The following NKAIN2 variants were observed in gnomAD, a reference collection of about 807,000 sequenced individuals.
NKAIN2 encodes the protein sodium/potassium transporting ATPase interacting 2.
NKAIN2 carries 14 observed loss-of-function variants against 32.6 expected under a neutral mutation model. The observed-to-expected ratio is 0.43, with a 90% CI of 0.28 to 0.67. The LOEUF is 0.67. Ranked by LOEUF, NKAIN2 falls within the 30% of genes least tolerant of loss-of-function variation. NKAIN2 has a pLI of 0.17. For missense variants in NKAIN2, 198 were observed against 258.3 expected, an observed-to-expected ratio of 0.77 and a Z score of 1.60; for synonymous variants, 80 against 87.2, an observed-to-expected ratio of 0.92 and a Z score of 0.46.
At chr6:124,736,463 A>G (rs1329363800) in intron 4 of NKAIN2, among the ~76,000 whole-genome samples, 1 of 151,952 alleles carries the variant, frequency 6.6e-6, no homozygotes, top group African/African-American at 2.4e-5. Context: ...ATATTAGAAT[A>G]AGATGCCAAA....
intron 1 of NKAIN2, among the ~76,000 whole-genome samples, chr6:124,177,445 C>A (rs1407006070): frequency 6.6e-6 from 1 of 151,984 alleles, no homozygotes; most frequent in Non-Finnish European, 1.5e-5. Context: ...TTTTTTGTGG[C>A]CCAGGTATTG....
At chr6:124,523,500 C>G (rs1236121997) in intron 3 of NKAIN2, among the ~76,000 whole-genome samples, 1 of 14,620 alleles carries the variant, frequency 6.8e-5, no homozygotes, top group Non-Finnish European at 1.8e-3. Context: ...AAGTGAATCA[C>G]AATGGAAAGT....
chr6:124,435,888 T>C (rs1362842657), intron 3 of NKAIN2, among the ~76,000 whole-genome samples: 2 of 151,272 alleles, frequency 1.3e-5, no homozygotes, highest in Admixed American at 6.6e-5. Flanking sequence ...GGAAATCTAT[T>C]CTTCAGAAAT....
chr6:124,194,517 T>A (rs945129759), intron 1 of NKAIN2, among the ~76,000 whole-genome samples: 1 of 152,162 alleles, frequency 6.6e-6, no homozygotes, highest in Admixed American at 6.5e-5. Context: ...AAATCTACCA[T>A]CTTATTACTT....
chr6:123,876,246 T>A (rs566149851), intron 1 of NKAIN2, among the ~76,000 whole-genome samples: 3 of 152,214 alleles, frequency 2.0e-5, no homozygotes, highest in Non-Finnish European at 2.9e-5. Flanking sequence ...ATTATTTTTA[T>A]GTTTCTCTAT....
At chr6:123,870,249 G>A (rs149631005) in intron 1 of NKAIN2, among the ~76,000 whole-genome samples, 30 of 152,240 alleles carry the variant, frequency 2.0e-4, no homozygotes, top group African/African-American at 6.5e-4. Flanking sequence ...ATGGAGAAAA[G>A]CAGCCTGGGA....
chr6:124,075,712 C>T (rs1262460834), intron 1 of NKAIN2, among the ~76,000 whole-genome samples: 2 of 152,140 alleles, frequency 1.3e-5, no homozygotes, highest in African/African-American at 4.8e-5. Flanking sequence ...TCTCCTGCCT[C>T]AGCCTCCCAA....
chr6:124,401,401 G>T (rs367896285), intron 3 of NKAIN2, among the ~76,000 whole-genome samples: 1 of 152,264 alleles, frequency 6.6e-6, no homozygotes, highest in South Asian at 2.1e-4. Flanking sequence ...ATATTTAAAA[G>T]TAAGATTGTT....
chr6:124,697,098 C>G (rs1008320414), intron 4 of NKAIN2, among the ~76,000 whole-genome samples: 1 of 151,954 alleles, frequency 6.6e-6, no homozygotes, highest in Non-Finnish European at 1.5e-5. Context: ...TTCTTTAAAT[C>G]TTGAAAAGTT....
intron 1 of NKAIN2, among the ~76,000 whole-genome samples, chr6:123,985,261 G>A (rs576419011): frequency 5.8e-4 from 88 of 152,218 alleles, no homozygotes; most frequent in African/African-American, 2.0e-3. Flanking sequence ...TTAGTTGGGC[G>A]TGGTGGTGGG....
At chr6:124,619,007 C>G (rs1252079467) in intron 3 of NKAIN2, among the ~76,000 whole-genome samples, 1 of 151,764 alleles carries the variant, frequency 6.6e-6, no homozygotes, top group Non-Finnish European at 1.5e-5. Context: ...AAATAAGACA[C>G]TAAATCTAAG....
At chr6:123,982,064 A>G (rs1227897394) in intron 1 of NKAIN2, among the ~76,000 whole-genome samples, 1 of 152,200 alleles carries the variant, frequency 6.6e-6, no homozygotes, top group Admixed American at 6.5e-5. Context: ...TATTAATGCC[A>G]TGTAACCTAA....
intron 1 of NKAIN2, among the ~76,000 whole-genome samples, chr6:124,160,477 A>G (rs1316328298): frequency 6.6e-6 from 1 of 152,198 alleles, no homozygotes; most frequent in African/African-American, 2.4e-5. Flanking sequence ...TACTGTATGT[A>G]TATATAGATG....
chr6:124,396,756 T>C (rs944803052), intron 3 of NKAIN2, among the ~76,000 whole-genome samples: 6 of 152,170 alleles, frequency 3.9e-5, no homozygotes, highest in Admixed American at 3.9e-4. Context: ...GGGAGGTGTA[T>C]GAGGCATCAA....
chr6:124,679,716 G>A (rs147043129), intron 4 of NKAIN2, among the ~76,000 whole-genome samples: 303 of 152,244 alleles, frequency 2.0e-3, no homozygotes, highest in Admixed American at 4.3e-3. Context: ...TTTTGTGGGT[G>A]AGAATAAAAT....
chr6:124,351,494 T>C (rs1383700590), intron 2 of NKAIN2, among the ~76,000 whole-genome samples: 1 of 135,654 alleles, frequency 7.4e-6, no homozygotes, highest in East Asian at 2.1e-4. Context: ...AGTGAGATCC[T>C]GTCTCAAAAA....
chr6:124,039,434 T>A (rs1781762785), intron 1 of NKAIN2, among the ~76,000 whole-genome samples: 1 of 151,956 alleles, frequency 6.6e-6, no homozygotes, highest in Non-Finnish European at 1.5e-5. Flanking sequence ...TGTATATATT[T>A]ATAACTTTGA....
intron 3 of NKAIN2, among the ~76,000 whole-genome samples, chr6:124,609,840 G>C (rs1782628694): frequency 6.6e-6 from 1 of 152,124 alleles, no homozygotes; most frequent in Admixed American, 6.6e-5. Flanking sequence ...CAGACTGCCT[G>C]AATTTGCTCT....
chr6:124,521,774 C>G (rs1009131680), intron 3 of NKAIN2, among the ~76,000 whole-genome samples: 1 of 152,030 alleles, frequency 6.6e-6, no homozygotes, highest in African/African-American at 2.4e-5. Flanking sequence ...TTGATGTGTT[C>G]AGTTGTAATG....
Sources: allele counts gnomAD v4.1 joint callset (sites outside exome capture counted in the v4.1 genomes callset), GRCh38; gene constraint gnomAD v4.1.1; transcripts MANE v1.5; gene names NCBI Gene and HGNC (gene_info 2026-07-23, HGNC 2026-07-21).